Variants in UBE2V2 observed in about 807,000 individuals in gnomAD.
UBE2V2 encodes the protein ubiquitin conjugating enzyme E2 V2.
In UBE2V2, 9 loss-of-function variants were observed where a neutral mutation model predicts 17.2. The ratio of observed to expected loss-of-function variants is 0.52; its 90% confidence interval spans 0.32 to 0.91. UBE2V2 has a LOEUF of 0.91. UBE2V2 is among the 40% of genes least tolerant of loss of function. UBE2V2 has a pLI of 0.04. For synonymous variants in UBE2V2, 61 were observed against 57.5 expected (o/e 1.06, Z -0.28); for missense variants, 133 against 182.6 (o/e 0.73, Z 1.56).
chr8:48,043,018 C>A lies in UBE2V2; in HGVS notation c.17-15C>A. ...TATGAGCTTTTTACATTTACACTGACGTTCTTTTGTATAGGAGTTAAAGTT... is the reference window on the plus strand; with the variant it reads ...TATGAGCTTTTTACATTTACACTGAAGTTCTTTTGTATAGGAGTTAAAGTT... On this transcript the variant is annotated splice_polypyrimidine_tract_variant and intron_variant, in intron 1 of 3. Transcript: ENST00000523111. 1 of 1,488,062 alleles carries A rather than the reference C, an allele frequency of 6.7e-7. No individual in the cohort carries two copies. The highest frequency in any genetic ancestry group is 1.5e-5 in the South Asian group (1 of 66,982). 92.2% of individuals were successfully genotyped at this position (1,488,062 alleles called of 1,614,324 possible).
intron 2 of UBE2V2, among the ~76,000 whole-genome samples, chr8:48,043,806 T>C (rs1218810602): frequency 1.3e-5 from 2 of 152,366 alleles, no homozygotes; most frequent in Admixed American, 6.5e-5. Context: ...ATAAAAAGTC[T>C]ATGATTCTTA....
intron 1 of UBE2V2, among the ~76,000 whole-genome samples, chr8:48,040,380 T>C (rs1205977654): frequency 6.6e-6 from 1 of 152,206 alleles, no homozygotes; most frequent in Non-Finnish European, 1.5e-5. Context: ...TACTGTTCTT[T>C]AAAGCAAAAT....
rs1260207693 is a variant in UBE2V2, at chr8:48,063,907, AATAC to A, written c.*3082_*3085del. The A allele has an allele frequency of 2.0e-5, 3 of 152,214 alleles. No homozygotes were observed. The highest frequency in any genetic ancestry group is 4.8e-5 in the African/African-American group (2 of 41,458). 9.4% of individuals were successfully genotyped at this position (152,214 alleles called of 1,614,324 possible). ...TCCCACTAAATATATAATATTGATA[AATAC>A]ATGTGAAATTAATATTGTTTGGAAA... is the stretch of plus-strand genomic sequence containing the variant. On this transcript the variant is annotated 3_prime_UTR_variant, in exon 4 of 4. Transcript: ENST00000523111.
At chr8:48,006,508 AC>A (rs552245980), upstream of UBE2V2, among the ~76,000 whole-genome samples, 10 of 152,152 alleles carry the variant, frequency 6.6e-5, no homozygotes, top group South Asian at 2.1e-3. Context: ...TGGGCTCAAT[AC>A]CCCTGATGAA....
At chr8:48,056,759 T>G (rs1014684689) in intron 3 of UBE2V2, among the ~76,000 whole-genome samples, 5 of 152,188 alleles carry the variant, frequency 3.3e-5, no homozygotes, top group Non-Finnish European at 5.9e-5. Context: ...AGTCTTGCTG[T>G]GCCGCCCAGG....
intron 3 of UBE2V2, among the ~76,000 whole-genome samples, chr8:48,057,875 A>C (rs1404758619): frequency 6.6e-6 from 1 of 152,074 alleles, no homozygotes; most frequent in East Asian, 1.9e-4. Flanking sequence ...TAATTTCTTT[A>C]GTGGATTCCT....
chr8:48,047,591 T>G (rs1035717321), intron 2 of UBE2V2, among the ~76,000 whole-genome samples: 68 of 151,960 alleles, frequency 4.5e-4, no homozygotes, highest in African/African-American at 1.6e-3. Flanking sequence ...ACAGTCTTGC[T>G]TTGCCACCCA....
chr8:48,056,018 A>G (rs963966111), intron 3 of UBE2V2, among the ~76,000 whole-genome samples: 1 of 152,166 alleles, frequency 6.6e-6, no homozygotes, highest in Non-Finnish European at 1.5e-5. Flanking sequence ...TCAGCCTCCC[A>G]AAGTGCTGGG....
chr8:48,054,542 AT>A, intron 3 of UBE2V2, among the ~76,000 whole-genome samples: 1 of 152,248 alleles, frequency 6.6e-6, no homozygotes, highest in East Asian at 1.9e-4. Flanking sequence ...TTTTCTCTTC[AT>A]TTACATCTAA....
intron 1 of UBE2V2, among the ~76,000 whole-genome samples, chr8:48,014,426 C>T (rs1359656425): frequency 2.0e-5 from 3 of 151,502 alleles, no homozygotes; most frequent in African/African-American, 4.9e-5. Context: ...GGGCGGATCA[C>T]GAGGTCAGGA....
intron 1 of UBE2V2, among the ~76,000 whole-genome samples, chr8:48,033,206 A>G (rs1173431653): frequency 4.0e-5 from 6 of 151,444 alleles, no homozygotes; most frequent in African/African-American, 1.5e-4. Context: ...TTTTTTCCTG[A>G]GACGGTGTCT....
At chr8:48,039,290 G>A (rs2091445851) in intron 1 of UBE2V2, among the ~76,000 whole-genome samples, 1 of 152,100 alleles carries the variant, frequency 6.6e-6, no homozygotes, top group South Asian at 2.1e-4. Context: ...TTTATTTATA[G>A]CTTCTATACC....
At chr8:48,035,113 T>G in intron 1 of UBE2V2, 9 of 915,604 alleles carry the variant, frequency 9.8e-6, no homozygotes, top group South Asian at 1.0e-4. Context: ...TATTCTTTTT[T>G]TTTTTTTTTT....
intron 1 of UBE2V2, among the ~76,000 whole-genome samples, chr8:48,011,439 A>G (rs1385355600): frequency 5.3e-5 from 8 of 152,124 alleles, no homozygotes; most frequent in South Asian, 2.1e-4. Context: ...CGGCCTCCCA[A>G]AGTTCTGGGA....
intron 3 of UBE2V2, among the ~76,000 whole-genome samples, chr8:48,055,439 G>A (rs564231168): frequency 3.0e-4 from 45 of 151,788 alleles, no homozygotes; most frequent in Middle Eastern, 3.4e-3. Context: ...GATTTCAGGC[G>A]ATCCACCCAC....
chr8:48,028,324 C>T (rs970101958), intron 1 of UBE2V2, among the ~76,000 whole-genome samples: 110 of 151,340 alleles, frequency 7.3e-4, no homozygotes, highest in African/African-American at 2.6e-3. Flanking sequence ...TGTGCCACCA[C>T]ACCCGGCTGT....
chr8:48,025,054 C>G (rs1369706691), intron 1 of UBE2V2, among the ~76,000 whole-genome samples: 1 of 151,820 alleles, frequency 6.6e-6, no homozygotes, highest in African/African-American at 2.4e-5. Flanking sequence ...CCAGCTTCAG[C>G]CTCCCGAGTA....
intron 1 of UBE2V2, chr8:48,034,860 A>T: frequency 5.8e-6 from 1 of 171,868 alleles, no homozygotes; most frequent in Non-Finnish European, 1.2e-5. Flanking sequence ...TGCTGGTTTC[A>T]CTTAGAGTCA....
At chr8:48,018,250 GT>G (rs1190665222) in intron 1 of UBE2V2, among the ~76,000 whole-genome samples, 1 of 152,182 alleles carries the variant, frequency 6.6e-6, no homozygotes, top group Admixed American at 6.6e-5. Context: ...AAGTTAAACT[GT>G]TCCTGTTTGC....
Sources: gnomAD v4.1 joint callset for allele counts (sites outside exome capture counted in the v4.1 genomes callset) on GRCh38, gnomAD v4.1.1 for gene constraint, MANE v1.5 for transcripts, NCBI Gene and HGNC (gene_info 2026-07-23, HGNC 2026-07-21) for gene names.